The following SORCS3 variants were observed in gnomAD, a reference collection of about 807,000 sequenced individuals.
The protein encoded by SORCS3 is sortilin related VPS10 domain containing receptor 3.
In SORCS3, 57 loss-of-function variants were observed where a neutral mutation model predicts 146.3. That is an observed-to-expected ratio of 0.39 (90% CI 0.31 to 0.49). The LOEUF is 0.49. SORCS3 is among the 20% of genes least tolerant of loss of function. The pLI is 0.92. For missense variants in SORCS3, 1,341 were observed against 1,575.5 expected (o/e 0.85, Z 2.52); for synonymous variants, 653 against 618.5 (o/e 1.06, Z -0.83).
chr10:104,911,110 G>A (rs1025213307), intron 2 of SORCS3, among the ~76,000 whole-genome samples: 8 of 152,232 alleles, frequency 5.3e-5, no homozygotes, highest in Admixed American at 5.2e-4. Flanking sequence ...AGCAAGTTCT[G>A]CCAGCATAAA....
chr10:104,709,564 A>C (rs993568974), intron 1 of SORCS3, among the ~76,000 whole-genome samples: 1 of 152,218 alleles, frequency 6.6e-6, no homozygotes, highest in Non-Finnish European at 1.5e-5. Context: ...GTACAATTAT[A>C]TATCTTTTCA....
chr10:104,880,996 A>T (rs2018624839), intron 2 of SORCS3, among the ~76,000 whole-genome samples: 1 of 152,196 alleles, frequency 6.6e-6, no homozygotes, highest in African/African-American at 2.4e-5. Flanking sequence ...TAATCTCTGA[A>T]ATCTGAGAGA....
In SORCS3 at chr10:104,800,235, T is replaced by C. The variant is rs2017609102; in HGVS notation, c.628-42557T>C. Among the ~76,000 whole-genome samples the C allele has an allele frequency of 2.4e-5, 3 of 125,162 alleles. No individual in the cohort carries two copies. The South Asian group carries it at 8.4e-4, about 35-fold the overall frequency. 82.1% of individuals were successfully genotyped at this position (125,162 alleles called of 152,430 possible). On this transcript the variant is annotated intron_variant, in intron 1 of 26. Coordinates refer to ENST00000369701, the MANE Select transcript of SORCS3 (RefSeq NM_014978.3). ...GCCAATCTGAAGAGGCTACATACCATATGATTTCATATATATATATATATG... is the reference window on the plus strand; with the variant it reads ...GCCAATCTGAAGAGGCTACATACCACATGATTTCATATATATATATATATG...
chr10:105,188,956 C>T (rs2119588234), intron 14 of SORCS3, among the ~76,000 whole-genome samples: 1 of 152,232 alleles, frequency 6.6e-6, no homozygotes, highest in East Asian at 1.9e-4. Flanking sequence ...CACCGGAATC[C>T]ACAGCACGTT....
intron 7 of SORCS3, among the ~76,000 whole-genome samples, chr10:105,125,679 C>CACACACACACACACACA (rs370356129): frequency 0.051 from 7,314 of 144,422 alleles, 211 homozygotes; most frequent in East Asian, 0.062. Context: ...CACTGAATAT[C>CACACACACACACACACA]CACACACACA....
At chr10:104,898,004 T>C (rs2018816395) in intron 2 of SORCS3, among the ~76,000 whole-genome samples, 1 of 152,220 alleles carries the variant, frequency 6.6e-6, no homozygotes, top group African/African-American at 2.4e-5. Flanking sequence ...CTTTGCACCC[T>C]TGACAGAATG....
chr10:105,121,807 C>T (rs1303831340), intron 7 of SORCS3, among the ~76,000 whole-genome samples: 1 of 152,190 alleles, frequency 6.6e-6, no homozygotes, highest in African/African-American at 2.4e-5. Context: ...AACACCCATC[C>T]CTGGGACTTC....
rs572669209 is a variant in SORCS3, at chr10:104,648,361, CT to C, written c.627+6410del. Among the ~76,000 whole-genome samples, 29 of 152,236 alleles carry C rather than the reference CT, an allele frequency of 1.9e-4. No individual in the cohort carries two copies. In the South Asian group the frequency reaches 6.0e-3, roughly 32 times the overall value. ...TCCCCTCTTCACACCCATTTTTCTC[CT>C]TTCTTCTCAGGTTAACAGAGCATTT... On this transcript the variant is annotated intron_variant, in intron 1 of 26. Coordinates refer to ENST00000369701, the MANE Select transcript of SORCS3 (RefSeq NM_014978.3).
chr10:104,660,260 AGTGG>A, intron 1 of SORCS3, among the ~76,000 whole-genome samples: 1 of 150,814 alleles, frequency 6.6e-6, no homozygotes, highest in East Asian at 2.0e-4. Context: ...CTTCCTGAAA[AGTGG>A]GTTTCAGTTT....
At chr10:105,093,674 A>G (rs555738490) in intron 6 of SORCS3, among the ~76,000 whole-genome samples, 4 of 152,242 alleles carry the variant, frequency 2.6e-5, no homozygotes, top group South Asian at 2.1e-4. Context: ...GCAAATTAAA[A>G]CCATAGTGAT....
At chr10:104,677,504 G>GTCGCA (rs2015924680) in intron 1 of SORCS3, among the ~76,000 whole-genome samples, 1 of 152,256 alleles carries the variant, frequency 6.6e-6, no homozygotes, top group South Asian at 2.1e-4. Context: ...TAGCCAGCCT[G>GTCGCA]TCGCAGCCTG....
intron 3 of SORCS3, among the ~76,000 whole-genome samples, chr10:104,933,095 T>C (rs2019223745): frequency 6.6e-6 from 1 of 152,130 alleles, no homozygotes; most frequent in Admixed American, 6.6e-5. Context: ...ATCATAATAC[T>C]TCCCTAGATC....
At chr10:104,845,526 G>A (rs999150619) in intron 2 of SORCS3, among the ~76,000 whole-genome samples, 3 of 152,164 alleles carry the variant, frequency 2.0e-5, no homozygotes, top group African/African-American at 7.2e-5. Flanking sequence ...TCATAGCCCT[G>A]TGTTTGGATA....
chr10:104,659,858 T>C (rs751793851), intron 1 of SORCS3, among the ~76,000 whole-genome samples: 34 of 152,310 alleles, frequency 2.2e-4, no homozygotes, highest in Admixed American at 1.8e-3. Flanking sequence ...CAGCCATTCT[T>C]TCACTCTCCT....
intron 2 of SORCS3, among the ~76,000 whole-genome samples, chr10:104,855,889 C>G (rs1335281177): frequency 1.3e-5 from 2 of 152,116 alleles, no homozygotes; most frequent in African/African-American, 2.4e-5. Flanking sequence ...GCATGTGCCA[C>G]CATACCTGGC....
At chr10:104,965,031 A>AT (rs2054818523) in intron 3 of SORCS3, among the ~76,000 whole-genome samples, 2 of 152,166 alleles carry the variant, frequency 1.3e-5, no homozygotes, top group Non-Finnish European at 2.9e-5. Flanking sequence ...TCCATGTAGC[A>AT]TGTGTCAGAA....
intron 14 of SORCS3, among the ~76,000 whole-genome samples, chr10:105,183,365 T>A (rs959705004): frequency 2.2e-5 from 2 of 91,036 alleles, no homozygotes; most frequent in Non-Finnish European, 4.9e-5. Flanking sequence ...CTGCAGAGGT[T>A]TTTTTTTCTT....
chr10:104,707,824 A>C (rs2016356000), intron 1 of SORCS3, among the ~76,000 whole-genome samples: 1 of 151,804 alleles, frequency 6.6e-6, no homozygotes, highest in Non-Finnish European at 1.5e-5. Context: ...TCCCCAGCCC[A>C]CTCCAAGCCT....
At chr10:104,920,253 A>G (rs555198295) in intron 3 of SORCS3, among the ~76,000 whole-genome samples, 1 of 152,372 alleles carries the variant, frequency 6.6e-6, no homozygotes, top group Admixed American at 6.5e-5. Flanking sequence ...CTATGAATAC[A>G]TCAAATGAGA....
Sources: allele counts gnomAD v4.1 joint callset (sites outside exome capture counted in the v4.1 genomes callset), GRCh38; gene constraint gnomAD v4.1.1; transcripts MANE v1.5; gene names NCBI Gene and HGNC (gene_info 2026-07-23, HGNC 2026-07-21).